ARHGAP12: variants seen among roughly 807,000 people sequenced by gnomAD.
ARHGAP12 encodes the protein Rho GTPase activating protein 12.
ARHGAP12 carries 64 observed loss-of-function variants against 108.6 expected under a neutral mutation model. The ratio of observed to expected loss-of-function variants is 0.59; its 90% confidence interval spans 0.48 to 0.73. The LOEUF (loss-of-function observed/expected upper bound fraction) is 0.73, where lower values mean the gene tolerates loss of function less well. ARHGAP12 is among the 30% of genes least tolerant of loss of function. ARHGAP12 has a pLI of 0.00. For missense variants in ARHGAP12, 940 were observed against 1,005.9 expected, an observed-to-expected ratio of 0.93 and a Z score of 0.89; for synonymous variants, 312 against 337.2, an observed-to-expected ratio of 0.93 and a Z score of 0.82.
intron 1 of ARHGAP12, among the ~76,000 whole-genome samples, chr10:31,914,895 C>T (rs1173406562): frequency 6.6e-6 from 1 of 152,122 alleles, no homozygotes. Context: ...ATCTAACTGT[C>T]CATTAAAGGA....
At chr10:31,822,325 G>A (rs544329884) in intron 11 of ARHGAP12, among the ~76,000 whole-genome samples, 9 of 152,280 alleles carry the variant, frequency 5.9e-5, no homozygotes, top group African/African-American at 1.9e-4. Flanking sequence ...AGAAAGCAGC[G>A]AAAGCAAGAG....
At chr10:31,894,602 T>C (rs1319266319) in intron 3 of ARHGAP12, among the ~76,000 whole-genome samples, 2 of 151,982 alleles carry the variant, frequency 1.3e-5, no homozygotes, top group East Asian at 1.9e-4. Flanking sequence ...TAAAAGAGGA[T>C]ACAAACAAAT....
intron 9 of ARHGAP12, among the ~76,000 whole-genome samples, chr10:31,835,202 GAAAAAAAAAA>G (rs952540519): frequency 1.2e-4 from 7 of 59,816 alleles, no homozygotes; most frequent in Admixed American, 8.9e-4. Context: ...CGTCTCAAAA[GAAAAAAAAAA>G]AAAAAGAAAA....
rs1010191634 is a variant in ARHGAP12 at position 31,836,852 on chromosome 10, G to A, written c.1386+2453C>T. On this transcript the variant is annotated intron_variant, in intron 9 of 19. Coordinates refer to ENST00000344936, the MANE Select transcript of ARHGAP12 (RefSeq NM_018287.7). ...GGGAGGGCACAACAGCATGGATGGA[G>A]CATTCAGGAAAAAAGGAATGCCATC... 1.4e-4 allele frequency among the ~76,000 whole-genome samples: 21 copies of A among 152,126 alleles called. No homozygotes were observed. In the South Asian group the frequency reaches 3.1e-3, roughly 23 times the overall value.
chr10:31,911,728 T>C (rs371403077), intron 1 of ARHGAP12, among the ~76,000 whole-genome samples: 8 of 152,232 alleles, frequency 5.3e-5, no homozygotes, highest in Admixed American at 3.9e-4. Context: ...ATGCCTCCTA[T>C]GTGATGCAAT....
chr10:31,909,699 C>G (rs1242776414), intron 2 of ARHGAP12, among the ~76,000 whole-genome samples: 1 of 152,090 alleles, frequency 6.6e-6, no homozygotes, highest in Non-Finnish European at 1.5e-5. Flanking sequence ...AATTTGAGAG[C>G]AGCCTGACCA....
chr10:31,855,534 A>G (rs1217702325), intron 4 of ARHGAP12, among the ~76,000 whole-genome samples: 1 of 152,240 alleles, frequency 6.6e-6, no homozygotes, highest in African/African-American at 2.4e-5. Context: ...ATAGCTTTAC[A>G]GAAACACTGC....
chr10:31,846,047 T>C (rs912516947), intron 6 of ARHGAP12, among the ~76,000 whole-genome samples: 1 of 152,204 alleles, frequency 6.6e-6, no homozygotes, highest in Non-Finnish European at 1.5e-5. Context: ...CCTCTCGTTA[T>C]ACTTTTTTAG....
intron 15 of ARHGAP12, among the ~76,000 whole-genome samples, chr10:31,812,271 T>G (rs1267435723): frequency 6.6e-6 from 1 of 152,124 alleles, no homozygotes; most frequent in Non-Finnish European, 1.5e-5. Context: ...GGCAAATAAA[T>G]TAGTTAGAAA....
chr10:31,877,719 G>A (rs767584427), intron 3 of ARHGAP12, among the ~76,000 whole-genome samples: 7 of 152,228 alleles, frequency 4.6e-5, no homozygotes, highest in Non-Finnish European at 8.8e-5. Flanking sequence ...GGTGCTTAAT[G>A]AGGTTTTTCA....
chr10:31,824,577 A>G (rs1454828768), intron 11 of ARHGAP12, among the ~76,000 whole-genome samples: 2 of 152,182 alleles, frequency 1.3e-5, no homozygotes, highest in African/African-American at 4.8e-5. Context: ...AAGATCTTCT[A>G]CAGTGAAAAC....
chr10:31,901,558 A>AAAAAT (rs1838927932), intron 3 of ARHGAP12, among the ~76,000 whole-genome samples: 1 of 135,488 alleles, frequency 7.4e-6, no homozygotes, highest in African/African-American at 2.7e-5. Context: ...AAAAAAAAAA[A>AAAAAT]GTTTGAAACT....
At chr10:31,901,348 A>C (rs985506831) in intron 3 of ARHGAP12, among the ~76,000 whole-genome samples, 1 of 151,996 alleles carries the variant, frequency 6.6e-6, no homozygotes, top group Non-Finnish European at 1.5e-5. Context: ...CCTGGCCAAC[A>C]TGGTGAAACC....
At chr10:31,885,693 C>T (rs1214221166) in intron 3 of ARHGAP12, among the ~76,000 whole-genome samples, 1 of 151,930 alleles carries the variant, frequency 6.6e-6, no homozygotes, top group Non-Finnish European at 1.5e-5. Context: ...GTGGTGCATG[C>T]CTATAAGCCC....
rs1272892173 is a variant in ARHGAP12 at position 31,807,837 on chromosome 10, AGGG to A, written c.2367-8_2367-6del. On this transcript the variant is annotated splice_region_variant and splice_polypyrimidine_tract_variant and intron_variant, in intron 19 of 19. Coordinates refer to ENST00000344936, the MANE Select transcript of ARHGAP12 (RefSeq NM_018287.7). ...TTCTCTCCATTTTCTATAACTCTGA[AGGG>A]AAAAAAAGAAGTTGTTAAAAGAGAA... The A allele has an allele frequency of 6.7e-7, 1 of 1,502,496 alleles. No individual in the cohort carries two copies. Among genetic ancestry groups the A allele is most frequent in the African/African-American group, 1.4e-5 (1 of 70,528 alleles). The allele number at this position is 1,502,496 out of a possible 1,614,324, so 93.1% of individuals were successfully genotyped here. A position where few individuals can be genotyped will look rare whatever the true frequency, so the allele number is the denominator to read the frequency against.
At chr10:31,895,696 C>G (rs1000087003) in intron 3 of ARHGAP12, among the ~76,000 whole-genome samples, 3 of 152,168 alleles carry the variant, frequency 2.0e-5, no homozygotes, top group African/African-American at 7.2e-5. Context: ...CCTCAAGGAT[C>G]TAGAACTAGA....
At position 31,901,534 on chromosome 10, in the gene ARHGAP12, C is replaced by CAAAAAAA. The variant is rs61402251; in HGVS notation, c.684+6631_684+6637dup. The stretch of plus-strand genomic sequence containing the variant: ...GGGTGACAGAGCAAAAACCTGGTCT[C>CAAAAAAA]AAAAAAAAAAAAAAAAAAAAAAAAG... On this transcript the variant is annotated intron_variant, in intron 3 of 19. Coordinates refer to ENST00000344936, the MANE Select transcript of ARHGAP12 (RefSeq NM_018287.7). 2.0e-3 allele frequency among the ~76,000 whole-genome samples: 130 copies of CAAAAAAA among 64,250 alleles called. 3 individuals carry two copies. The highest frequency in any genetic ancestry group is 7.3e-3 in the African/African-American group (123 of 16,812). The allele number at this position is 64,250 out of a possible 152,430, so 42.2% of individuals were successfully genotyped here. A position where few individuals can be genotyped will look rare whatever the true frequency, so the allele number is the denominator to read the frequency against.
At chr10:31,857,980 GATC>G (rs1178931430) in intron 4 of ARHGAP12, among the ~76,000 whole-genome samples, 1 of 152,166 alleles carries the variant, frequency 6.6e-6, no homozygotes, top group Non-Finnish European at 1.5e-5. Flanking sequence ...AAGGTGGGAG[GATC>G]ATTTGAGCCC....
At chr10:31,886,519 C>T (rs1838196484) in intron 3 of ARHGAP12, among the ~76,000 whole-genome samples, 1 of 152,038 alleles carries the variant, frequency 6.6e-6, no homozygotes, top group Admixed American at 6.6e-5. Context: ...AATCCAAGTA[C>T]AGATGTGATG....
Sources: allele counts gnomAD v4.1 joint callset (sites outside exome capture counted in the v4.1 genomes callset), GRCh38; gene constraint gnomAD v4.1.1; transcripts MANE v1.5; gene names NCBI Gene and HGNC (gene_info 2026-07-23, HGNC 2026-07-21).